The following NFIC variants were observed in gnomAD, a reference collection of about 807,000 sequenced individuals.
NFIC encodes nuclear factor I C.
NFIC carries 12 observed loss-of-function variants against 54.4 expected under a neutral mutation model. That is an observed-to-expected ratio of 0.22 (90% confidence interval 0.14 to 0.36). The LOEUF (loss-of-function observed/expected upper bound fraction) is 0.36. NFIC is among the 10% of genes least tolerant of loss of function. The pLI is 1.00. For missense variants in NFIC, 575 were observed against 718.2 expected, an observed-to-expected ratio of 0.80 and a Z score of 2.28; for synonymous variants, 322 against 319.2, an observed-to-expected ratio of 1.01 and a Z score of -0.09.
chr19:3,392,931 C>T (rs984046378), intron 2 of NFIC, among the ~76,000 whole-genome samples: 1 of 152,162 alleles, frequency 6.6e-6, no homozygotes, highest in Non-Finnish European at 1.5e-5. Context: ...TTCTAAGTCC[C>T]ATCTTTATTT....
At chr19:3,407,726 G>A (rs1461116460) in intron 2 of NFIC, among the ~76,000 whole-genome samples, 4 of 152,178 alleles carry the variant, frequency 2.6e-5, no homozygotes, top group Admixed American at 6.5e-5. Context: ...GAGCCACCGC[G>A]CCCGGGTGAA....
intron 2 of NFIC, among the ~76,000 whole-genome samples, chr19:3,382,540 A>G (rs903490164): frequency 3.3e-5 from 5 of 150,826 alleles, no homozygotes; most frequent in Admixed American, 2.6e-4. Flanking sequence ...AGGCCAGTGC[A>G]TATAGATGTG....
At chr19:3,402,433 CCT>C (rs753385122) in intron 2 of NFIC, among the ~76,000 whole-genome samples, 1 of 152,172 alleles carries the variant, frequency 6.6e-6, no homozygotes, top group Non-Finnish European at 1.5e-5. Flanking sequence ...CTCATCCCTC[CCT>C]CTCAACTTTC....
At chr19:3,392,584 A>G (rs762690243) in intron 2 of NFIC, among the ~76,000 whole-genome samples, 1 of 152,006 alleles carries the variant, frequency 6.6e-6, no homozygotes, top group Non-Finnish European at 1.5e-5. Flanking sequence ...GCCCTCCCAG[A>G]GCCAGTGGGA....
At chr19:3,366,290 C>G (rs1396867873), upstream of NFIC, among the ~76,000 whole-genome samples, 1 of 148,594 alleles carries the variant, frequency 6.7e-6, no homozygotes, top group East Asian at 2.0e-4. Context: ...TTCTCGCTCG[C>G]GCCCTTTTTT....
At chr19:3,439,123 G>A (rs2082251647) in intron 6 of NFIC, among the ~76,000 whole-genome samples, 2 of 150,600 alleles carry the variant, frequency 1.3e-5, no homozygotes, top group African/African-American at 4.9e-5. Context: ...CGGGTGCAGT[G>A]GCTTACAACT....
At position 3,463,826 on chromosome 19, in the gene NFIC, GAGTGGTTTA is replaced by G. The variant is rs998076480; in HGVS notation, c.*1062_*1070del. ...GCCCCTGGCGGTGGGAGGTGAGAGC[GAGTGGTTTA>G]AGTGCCTGATTACCACCACCCGCCC... On this transcript the variant is annotated 3_prime_UTR_variant, in exon 11 of 11. Transcript: ENST00000443272. 1.0e-6 allele frequency: 1 copy of G among 984,844 alleles called. No homozygotes were observed. Among genetic ancestry groups the G allele is most frequent in the Non-Finnish European group, 1.2e-6 (1 of 829,830 alleles). 61.0% of individuals were successfully genotyped at this position (984,844 alleles called of 1,614,324 possible). A position where few individuals can be genotyped will look rare whatever the true frequency, so the allele number is the denominator to read the frequency against.
intron 1 of NFIC, among the ~76,000 whole-genome samples, chr19:3,373,132 A>T (rs2081050822): frequency 6.6e-6 from 1 of 152,150 alleles, no homozygotes; most frequent in Admixed American, 6.5e-5. Context: ...GGTGTGAGCC[A>T]CCGCGCCCGG....
intron 6 of NFIC, among the ~76,000 whole-genome samples, chr19:3,442,417 G>T (rs577537236): frequency 2.2e-5 from 3 of 133,598 alleles, no homozygotes; most frequent in Non-Finnish European, 4.6e-5. Context: ...ATCTCACTCT[G>T]TTGCCCAGGC....
chr19:3,463,754 C>G lies in NFIC; in HGVS notation c.*985C>G. The G allele has an allele frequency of 1.0e-6, 1 of 985,416 alleles. No individual in the cohort carries two copies. The highest frequency in any genetic ancestry group is 1.2e-6 in the Non-Finnish European group (1 of 830,036). 61.0% of individuals were successfully genotyped at this position (985,416 alleles called of 1,614,324 possible). Reference sequence around the variant, plus strand: ...GGAAGGGGATGGGGGAGCCCGGACACCCAGAGCTCCCCGAGTTGGGGGTGC... The same window carrying G: ...GGAAGGGGATGGGGGAGCCCGGACAGCCAGAGCTCCCCGAGTTGGGGGTGC... On this transcript the variant is annotated 3_prime_UTR_variant, in exon 11 of 11. Coordinates refer to ENST00000443272, the MANE Select transcript of NFIC (RefSeq NM_001245002.2).
At chr19:3,365,025 T>C (rs2080863236), upstream of NFIC, among the ~76,000 whole-genome samples, 1 of 152,090 alleles carries the variant, frequency 6.6e-6, no homozygotes, top group East Asian at 1.9e-4. Flanking sequence ...CTAAGCACTG[T>C]TTGAATAATG....
chr19:3,360,486 G>A (rs1230956312), intron 1 of NFIC, among the ~76,000 whole-genome samples: 1 of 151,878 alleles, frequency 6.6e-6, no homozygotes, highest in African/African-American at 2.4e-5. Flanking sequence ...TGCGCACCTC[G>A]AGGGGTGCGT....
chr19:3,379,176 C>T (rs919072630), intron 1 of NFIC, among the ~76,000 whole-genome samples: 10 of 152,192 alleles, frequency 6.6e-5, no homozygotes, highest in African/African-American at 2.2e-4. Flanking sequence ...TCTCCTGCCT[C>T]AGCCTCCCAA....
At chr19:3,428,242 C>A (rs1438376510) in intron 3 of NFIC, among the ~76,000 whole-genome samples, 1 of 151,372 alleles carries the variant, frequency 6.6e-6, no homozygotes, top group Non-Finnish European at 1.5e-5. Flanking sequence ...ACCTGTAATC[C>A]CAGTACTTTG....
chr19:3,400,007 A>G (rs998783096), intron 2 of NFIC, among the ~76,000 whole-genome samples: 2 of 152,144 alleles, frequency 1.3e-5, no homozygotes, highest in African/African-American at 4.8e-5. Flanking sequence ...CAACATAGCA[A>G]ATCTCTGTCT....
intron 2 of NFIC, among the ~76,000 whole-genome samples, chr19:3,416,233 T>C (rs1485179814): frequency 6.7e-6 from 1 of 150,288 alleles, no homozygotes; most frequent in African/African-American, 2.4e-5. Flanking sequence ...TTTTCCCTAA[T>C]CACTCTCCTG....
In NFIC at chr19:3,463,745, G is replaced by C; in HGVS notation, c.*976G>C. On this transcript the variant is annotated 3_prime_UTR_variant, in exon 11 of 11. Coordinates refer to ENST00000443272, the MANE Select transcript of NFIC (RefSeq NM_001245002.2). Reference sequence around the variant, plus strand: ...ACTTTCCGAGGAAGGGGATGGGGGAGCCCGGACACCCAGAGCTCCCCGAGT... The same window carrying C: ...ACTTTCCGAGGAAGGGGATGGGGGACCCCGGACACCCAGAGCTCCCCGAGT... 3.0e-6 allele frequency: 3 copies of C among 985,380 alleles called. No homozygotes were observed. Among genetic ancestry groups the C allele is most frequent in the Non-Finnish European group, 3.6e-6 (3 of 830,016 alleles). 61.0% of individuals were successfully genotyped at this position (985,380 alleles called of 1,614,324 possible).
In NFIC at chr19:3,462,785, C is replaced by A. The variant is rs750396549; in HGVS notation, c.*16C>A. The A allele has an allele frequency of 1.2e-6, 2 of 1,613,902 alleles. No individual in the cohort carries two copies. Among genetic ancestry groups the A allele is most frequent in the East Asian group, 4.5e-5 (2 of 44,876 alleles). The stretch of plus-strand genomic sequence containing the variant: ...TCTGGGATAGCAAAGGTCTTCTTCC[C>A]TCGCCCCTTCTCCATCGTCCCAGGA... On this transcript the variant is annotated 3_prime_UTR_variant, in exon 11 of 11. Coordinates refer to ENST00000443272, the MANE Select transcript of NFIC (RefSeq NM_001245002.2).
At chr19:3,421,699 G>T (rs1185772833) in intron 2 of NFIC, among the ~76,000 whole-genome samples, 1 of 152,194 alleles carries the variant, frequency 6.6e-6, no homozygotes, top group Non-Finnish European at 1.5e-5. Flanking sequence ...CCATTAGCAC[G>T]GCGCCAGGCT....
Sources: allele counts gnomAD v4.1 joint callset (sites outside exome capture counted in the v4.1 genomes callset), GRCh38; gene constraint gnomAD v4.1.1; transcripts MANE v1.5; gene names NCBI Gene and HGNC (gene_info 2026-07-23, HGNC 2026-07-21).